Variants in PCDH15 observed in about 807,000 individuals in gnomAD.
PCDH15 encodes protocadherin related 15.
PCDH15 carries 129 observed loss-of-function variants against 178.5 expected under a neutral mutation model. That is an observed-to-expected ratio of 0.72 (90% CI 0.63 to 0.84). The LOEUF is 0.84. Ranked by LOEUF, PCDH15 falls within the 40% of genes least tolerant of loss-of-function variation. The probability of loss-of-function intolerance (pLI) is 0.00; values close to 1 mark genes in which losing one functional copy is unlikely to be tolerated. For missense variants in PCDH15, 2,230 were observed against 2,099.9 expected (o/e 1.06, Z -1.21); for synonymous variants, 800 against 732.0 (o/e 1.09, Z -1.50).
chr10:54,799,695 T>A lies in PCDH15; in HGVS notation c.-29+1230A>T, dbSNP rs554422002. Among the ~76,000 whole-genome samples the A allele has an allele frequency of 2.0e-5, 3 of 152,178 alleles. No individual in the cohort carries two copies. In the South Asian group the frequency reaches 6.2e-4, roughly 32 times the overall value. ...CCACTCAGTGGAATTGGGCACCCAT[T>A]AAATGGCACTTTTATTTCATAGGAG... On this transcript the variant is annotated intron_variant, in intron 1 of 37. Transcript: ENST00000644397.
At chr10:55,119,980 T>G (rs79324179) in intron 2 of PCDH15, among the ~76,000 whole-genome samples, 1 of 142,088 alleles carries the variant, frequency 7.0e-6, no homozygotes, top group Non-Finnish European at 1.5e-5. Flanking sequence ...GTCTTAAATG[T>G]TTTTTTTTTT....
intron 2 of PCDH15, among the ~76,000 whole-genome samples, chr10:55,583,740 T>TA (rs1327551894): frequency 6.6e-6 from 1 of 152,082 alleles, no homozygotes; most frequent in Non-Finnish European, 1.5e-5. Context: ...GGCCAACAGT[T>TA]ATGTTATTGA....
intron 3 of PCDH15, among the ~76,000 whole-genome samples, chr10:54,888,577 A>G (rs1426397610): frequency 6.6e-6 from 1 of 151,940 alleles, no homozygotes; most frequent in Non-Finnish European, 1.5e-5. Flanking sequence ...TGGCAGGTTC[A>G]TATGGTGGGC....
chr10:53,866,888 A>C lies in PCDH15; in HGVS notation c.3502-31T>G, dbSNP rs201839692. 58 of 1,461,178 alleles carry C rather than the reference A, an allele frequency of 4.0e-5. 1 individual carries two copies. In the Admixed American group the frequency reaches 9.6e-4, roughly 24 times the overall value. The allele number at this position is 1,461,178 out of a possible 1,614,324, so 90.5% of individuals were successfully genotyped here. A position where few individuals can be genotyped will look rare whatever the true frequency, so the allele number is the denominator to read the frequency against. The stretch of plus-strand genomic sequence containing the variant: ...CGGAGGGGAAAAAAAAAGAGATTAT[A>C]ATTAAGCAGGAAAAGATAACCCTTA... On this transcript the variant is annotated intron_variant, in intron 26 of 37. Coordinates refer to ENST00000644397, the MANE Select transcript of PCDH15 (RefSeq NM_001384140.1).
At chr10:54,718,999 C>T (rs964496803) in intron 1 of PCDH15, among the ~76,000 whole-genome samples, 2 of 152,032 alleles carry the variant, frequency 1.3e-5, no homozygotes, top group East Asian at 3.9e-4. Flanking sequence ...CCGGTCCACA[C>T]TGATTCTTTA....
intron 2 of PCDH15, among the ~76,000 whole-genome samples, chr10:55,346,211 A>G (rs1844749484): frequency 6.6e-6 from 1 of 152,200 alleles, no homozygotes; most frequent in Non-Finnish European, 1.5e-5. Flanking sequence ...AGAGCTAAAC[A>G]GTTATAGATA....
intron 1 of PCDH15, among the ~76,000 whole-genome samples, chr10:54,766,861 T>C (rs575832025): frequency 2.6e-5 from 4 of 151,130 alleles, no homozygotes; most frequent in African/African-American, 4.9e-5. Flanking sequence ...ACCCCGGAGG[T>C]GGAGCTTGCA....
chr10:53,961,114 A>C (rs573213666), intron 22 of PCDH15, among the ~76,000 whole-genome samples: 4 of 151,118 alleles, frequency 2.6e-5, no homozygotes, highest in African/African-American at 7.4e-5. Context: ...AGATATATGC[A>C]AAGATTAACA....
intron 1 of PCDH15, among the ~76,000 whole-genome samples, chr10:54,731,563 T>TATATAC: frequency 4.0e-5 from 2 of 49,924 alleles, no homozygotes; most frequent in African/African-American, 1.3e-4. Flanking sequence ...TATATATATA[T>TATATAC]ACACACACAC....
intron 6 of PCDH15, among the ~76,000 whole-genome samples, chr10:54,340,498 A>G (rs1942028005): frequency 6.6e-6 from 1 of 152,216 alleles, no homozygotes; most frequent in Non-Finnish European, 1.5e-5. Context: ...CAGTGAATCC[A>G]TATGGGTCTG....
rs537857385 is a variant in PCDH15, at chr10:54,970,712, A to G, written c.-79-73212T>C. Among the ~76,000 whole-genome samples the G allele has an allele frequency of 2.0e-5, 3 of 152,172 alleles. No homozygotes were observed. The East Asian group carries it at 5.8e-4, about 29-fold the overall frequency. On this transcript the variant is annotated intron_variant, in intron 2 of 5. Coordinates refer to the PCDH15 transcript ENST00000458638. ...CCATGTTCCATCCTACCCTGGATGG[A>G]ATCATCACTTTCTACACAGTATCCA... is the stretch of plus-strand genomic sequence containing the variant.
At chr10:55,562,265 T>C (rs1431991610) in intron 2 of PCDH15, among the ~76,000 whole-genome samples, 1 of 152,014 alleles carries the variant, frequency 6.6e-6, no homozygotes, top group Non-Finnish European at 1.5e-5. Context: ...TACTGATTTA[T>C]ACACTGTTCA....
intron 1 of PCDH15, among the ~76,000 whole-genome samples, chr10:54,698,854 A>G (rs1934379087): frequency 6.6e-6 from 1 of 152,046 alleles, no homozygotes; most frequent in South Asian, 2.1e-4. Flanking sequence ...TTTTTTAACT[A>G]TTGCCAGTGT....
At chr10:54,697,453 T>C (rs955426733) in intron 1 of PCDH15, among the ~76,000 whole-genome samples, 1 of 151,596 alleles carries the variant, frequency 6.6e-6, no homozygotes, top group African/African-American at 2.4e-5. Context: ...TTACATTATG[T>C]TAGACTTATA....
At chr10:54,590,545 T>C (rs2133927424) in intron 2 of PCDH15, among the ~76,000 whole-genome samples, 1 of 152,334 alleles carries the variant, frequency 6.6e-6, no homozygotes, top group Non-Finnish European at 1.5e-5. Flanking sequence ...CCTAATATTA[T>C]CTACGGAGAA....
intron 18 of PCDH15, among the ~76,000 whole-genome samples, chr10:54,043,253 T>A (rs1227621436): frequency 2.0e-5 from 3 of 152,074 alleles, no homozygotes; most frequent in African/African-American, 4.8e-5. Flanking sequence ...ACCAGCAATA[T>A]CAATTCAGAG....
chr10:55,058,303 T>A (rs1841353647), intron 2 of PCDH15, among the ~76,000 whole-genome samples: 1 of 152,146 alleles, frequency 6.6e-6, no homozygotes, highest in Non-Finnish European at 1.5e-5. Flanking sequence ...CTCCACCTCC[T>A]GAGCTCAAGT....
intron 1 of PCDH15, among the ~76,000 whole-genome samples, chr10:55,256,299 GA>G (rs1841997105): frequency 6.6e-6 from 1 of 152,162 alleles, no homozygotes; most frequent in Non-Finnish European, 1.5e-5. Flanking sequence ...CAGTGTGAGC[GA>G]GGCAGAAGAC....
At chr10:55,447,857 AG>A (rs1839351892) in intron 2 of PCDH15, among the ~76,000 whole-genome samples, 1 of 151,932 alleles carries the variant, frequency 6.6e-6, no homozygotes, top group Non-Finnish European at 1.5e-5. Context: ...TAAAGTGTGG[AG>A]TATAAGTGTA....
Sources: gnomAD v4.1 joint callset for allele counts (sites outside exome capture counted in the v4.1 genomes callset) on GRCh38, gnomAD v4.1.1 for gene constraint, MANE v1.5 for transcripts, NCBI Gene and HGNC (gene_info 2026-07-23, HGNC 2026-07-21) for gene names.